The following RPS14 variants were observed in gnomAD, a reference collection of about 807,000 sequenced individuals.
RPS14 encodes the protein ribosomal protein S14.
RPS14 carries 1 observed loss-of-function variant against 15.4 expected under a neutral mutation model. The observed-to-expected ratio is 0.07, with a 90% CI of 0.02 to 0.31. The LOEUF is 0.31. Ranked by LOEUF, RPS14 falls within the 10% of genes least tolerant of loss-of-function variation. The probability of loss-of-function intolerance (pLI) is 1.00; values close to 1 mark genes in which losing one functional copy is unlikely to be tolerated. For missense variants in RPS14, 69 were observed against 205.5 expected (o/e 0.34, Z 4.06); for synonymous variants, 68 against 74.4 (o/e 0.91, Z 0.44).
chr5:150,445,836 T>C, intron 3 of RPS14, 151 bp from the exon 4 acceptor site: 5 of 676,184 alleles, frequency 7.4e-6, no homozygotes, highest in Middle Eastern at 3.6e-4. Context: ...ACACCCATAA[T>C]CTCAGCACCT....
At chr5:150,449,244 C>G in intron 1 of RPS14, 1 of 152,254 alleles carries the variant, frequency 6.6e-6, no homozygotes, top group Non-Finnish European at 1.5e-5. Flanking sequence ...TCCCTGCTTT[C>G]CTTCTTTGAA....
chr5:150,447,650 A>G lies in RPS14; in HGVS notation c.84T>C (p.Phe28=), dbSNP rs149253988. 5.0e-6 allele frequency: 8 copies of G among 1,614,048 alleles called. No homozygotes were observed. The African/African-American group carries it at 1.1e-4, about 22-fold the overall frequency. Residue 28 remains phenylalanine, a synonymous_variant, in exon 2 of 5, where the codon TTT becomes TTC. Transcript: ENST00000407193. The part of the protein sequence containing the change: ...GPQVAEGENV[F]GVCHIFASFN... ...AGGATGCAAAGATATGGCAGACACC[A>G]AATACATTCTCTCCTTCAGCCACCT...
Position 150,449,711 on chromosome 5 carries a change from C to G in RPS14, c.-11G>C, listed in dbSNP as rs1469628813. 2.0e-5 allele frequency: 3 copies of G among 152,290 alleles called. No homozygotes were observed. Among genetic ancestry groups the G allele is most frequent in the African/African-American group, 4.8e-5 (2 of 41,424 alleles). 9.4% of individuals were successfully genotyped at this position (152,290 alleles called of 1,614,324 possible). A position where few individuals can be genotyped will look rare whatever the true frequency, so the allele number is the denominator to read the frequency against. ...GCGCCCGGGCCTCCTACCTGCACGTCGTCTCCAGACTCCACACCGGAAAGA... is the reference window on the plus strand; with the variant it reads ...GCGCCCGGGCCTCCTACCTGCACGTGGTCTCCAGACTCCACACCGGAAAGA... On this transcript the variant is annotated 5_prime_UTR_variant, in exon 1 of 5. Coordinates refer to ENST00000407193, the MANE Select transcript of RPS14 (RefSeq NM_005617.4).
rs1770971922 is a variant in RPS14 at position 150,442,722 on chromosome 5, T to C, written c.*1564A>G. On this transcript the variant is annotated 3_prime_UTR_variant, in exon 5 of 5. Coordinates refer to ENST00000407193, the MANE Select transcript of RPS14 (RefSeq NM_005617.4). ...TTATTTACTTATTTAGTTTTTGAGA[T>C]AGGATCTTGCTCTGTGACCCAGGCT... The C allele has an allele frequency of 6.6e-6, 1 of 151,318 alleles. No homozygotes were observed. Among genetic ancestry groups the C allele is most frequent in the East Asian group, 1.9e-4 (1 of 5,196 alleles). The allele number at this position is 151,318 out of a possible 1,614,324, so 9.4% of individuals were successfully genotyped here.
intron 3 of RPS14, 84 bp from the exon 4 acceptor site, chr5:150,445,769 G>T (rs1250512249): frequency 1.9e-6 from 2 of 1,058,042 alleles, no homozygotes; most frequent in East Asian, 2.5e-5. Context: ...CACCCCGCTA[G>T]TTCAGAGGTC....
chr5:150,442,980 G>C lies in RPS14; in HGVS notation c.*1306C>G, dbSNP rs966342248. On this transcript the variant is annotated 3_prime_UTR_variant, in exon 5 of 5. Coordinates refer to ENST00000407193, the MANE Select transcript of RPS14 (RefSeq NM_005617.4). ...CCCAAAGTGTTGGGATTATAGGCGT[G>C]AACCACTGTGCCCTGCCTTTATCCT... The C allele has an allele frequency of 6.6e-6, 1 of 152,152 alleles. No homozygotes were observed. The highest frequency in any genetic ancestry group is 6.5e-5 in the Admixed American group (1 of 15,268). 9.4% of individuals were successfully genotyped at this position (152,152 alleles called of 1,614,324 possible). A position where few individuals can be genotyped will look rare whatever the true frequency, so the allele number is the denominator to read the frequency against.
chr5:150,447,065 G>T, intron 2 of RPS14, 102 bp from the exon 3 acceptor site: 2 of 1,392,276 alleles, frequency 1.4e-6, no homozygotes, highest in Non-Finnish European at 2.0e-6. Context: ...GGTGGAGGAT[G>T]ATGGTCATGG....
At chr5:150,448,852 T>C (rs1771182341) in intron 1 of RPS14, 1 of 152,182 alleles carries the variant, frequency 6.6e-6, no homozygotes, top group African/African-American at 2.4e-5. Context: ...AAGTCTTGGG[T>C]GTACGAAGTT....
intron 2 of RPS14, chr5:150,447,265 A>G (rs879084711): frequency 7.5e-6 from 4 of 532,698 alleles, no homozygotes; most frequent in African/African-American, 3.8e-5. Flanking sequence ...ACAAGTCACA[A>G]CTTGCTAAAT....
chr5:150,447,831 G>A (rs1175118716), intron 1 of RPS14, 96 bp from the exon 2 acceptor site: 2 of 1,323,570 alleles, frequency 1.5e-6, no homozygotes, highest in African/African-American at 2.9e-5. Flanking sequence ...CCTGCTTCAT[G>A]TCCCTGTCTT....
In RPS14 at chr5:150,444,176, G is replaced by T; in HGVS notation, c.*110C>A. The T allele has an allele frequency of 6.8e-7, 1 of 1,471,740 alleles. No individual in the cohort carries two copies. 91.2% of individuals were successfully genotyped at this position (1,471,740 alleles called of 1,614,324 possible). A position where few individuals can be genotyped will look rare whatever the true frequency, so the allele number is the denominator to read the frequency against. ...TCCTTTCTCCCAAGAAGCCAAATAG[G>T]AGGAAGAAATCAAATGCCTGAGTAG... On this transcript the variant is annotated 3_prime_UTR_variant, in exon 5 of 5. Coordinates refer to ENST00000407193, the MANE Select transcript of RPS14 (RefSeq NM_005617.4).
intron 4 of RPS14, 50 bp from the exon 5 acceptor site, chr5:150,444,403 C>A: frequency 6.6e-7 from 1 of 1,512,870 alleles, no homozygotes; most frequent in South Asian, 1.1e-5. Context: ...ATGGGAAGGG[C>A]CCCCAGGACT....
chr5:150,444,490 A>T, intron 4 of RPS14, 137 bp from the exon 5 acceptor site: 2 of 722,892 alleles, frequency 2.8e-6, no homozygotes, highest in East Asian at 2.6e-5. Flanking sequence ...TAACAGATGG[A>T]TGTGAACATG....
intron 1 of RPS14, chr5:150,449,430 C>T (rs1432933856): frequency 6.6e-6 from 1 of 152,192 alleles, no homozygotes; most frequent in East Asian, 1.9e-4. Flanking sequence ...CAAACGCGGC[C>T]GTGGCCGTGG....
Position 150,446,998 on chromosome 5 carries a change from TC to T in RPS14, c.150-36del. 6.2e-7 allele frequency: 1 copy of T among 1,611,368 alleles called. No homozygotes were observed. Among genetic ancestry groups the T allele is most frequent in the Non-Finnish European group, 8.5e-7 (1 of 1,178,530 alleles). ...AAAGCACAGGGTCATTTCTTCCTCG[TC>T]CAACAAGGAGTGCTTACGATATCCT... is the stretch of plus-strand genomic sequence containing the variant. On this transcript the variant is annotated intron_variant, in intron 2 of 4. Transcript: ENST00000407193. This position sits in a 1 kb window ranked among gnomAD's most constrained non-coding sequence, Gnocchi z 4.2.
chr5:150,444,119 A>C lies in RPS14; in HGVS notation c.*167T>G, dbSNP rs1056669405. 1.7e-5 allele frequency: 18 copies of C among 1,058,882 alleles called. No homozygotes were observed. Among genetic ancestry groups the C allele is most frequent in the Admixed American group, 3.2e-5 (1 of 30,830 alleles). The allele number at this position is 1,058,882 out of a possible 1,614,324, so 65.6% of individuals were successfully genotyped here. On this transcript the variant is annotated 3_prime_UTR_variant, in exon 5 of 5. Coordinates refer to ENST00000407193, the MANE Select transcript of RPS14 (RefSeq NM_005617.4). ...GCAAGTAGCATGGAAAAGACCCCAA[A>C]TGCAGCACCAGGATCTCAGCTCTCC...
At chr5:150,445,710 G>A (rs759616651) in intron 3 of RPS14, 25 bp from the exon 4 acceptor site, 2 of 1,584,706 alleles carry the variant, frequency 1.3e-6, no homozygotes, top group African/African-American at 2.7e-5. Context: ...TTTAAGTTAA[G>A]AAGAGCCTTT....
At chr5:150,447,403 G>A in intron 2 of RPS14, 182 bp downstream of exon 2, 1 of 653,766 alleles carries the variant, frequency 1.5e-6, no homozygotes, top group Non-Finnish European at 2.7e-6. Flanking sequence ...GACGAAGAAT[G>A]TGTCTCCTCT....
In RPS14 at chr5:150,446,876, C is replaced by T; in HGVS notation, c.237G>A (p.Gln79=). 2 of 1,614,228 alleles carry T rather than the reference C, an allele frequency of 1.2e-6. No homozygotes were observed. The highest frequency in any genetic ancestry group is 1.7e-6 in the Non-Finnish European group (2 of 1,180,050). Residue 79 remains glutamine (Q), a synonymous_variant, in exon 3 of 5, where the codon CAG becomes CAA. Coordinates refer to ENST00000407193, the MANE Select transcript of RPS14 (RefSeq NM_005617.4). The surrounding 1 kb of genome is among the most constrained non-coding windows in gnomAD (Gnocchi z 4.2). ...SSPYAAMLAA[Q]DVAQRCKELG... ...GCTCCTTGCACCTCTGGGCCACATC[C>T]TGGGCAGCCAACATAGCAGCATATG...
Sources: gnomAD v4.1 joint callset for allele counts on GRCh38, gnomAD v4.1.1 for gene constraint, Gnocchi (gnomAD v3.1) non-coding constraint, MANE v1.5 for transcripts, NCBI Gene and HGNC (gene_info 2026-07-23, HGNC 2026-07-21) for gene names.